DPPA2: variants seen among roughly 807,000 people sequenced by gnomAD.
DPPA2 encodes developmental pluripotency associated 2.
A neutral mutation model predicts 36.2 loss-of-function variants in DPPA2; 26 were observed. The observed-to-expected ratio is 0.72, with a 90% CI of 0.53 to 1.00. The LOEUF (loss-of-function observed/expected upper bound fraction) is 1.00, where lower values mean the gene tolerates loss of function less well. DPPA2 is among the 50% of genes least tolerant of loss of function. The pLI is 0.00. For synonymous variants in DPPA2, 113 were observed against 123.2 expected (o/e 0.92, Z 0.55); for missense variants, 361 against 365.1 (o/e 0.99, Z 0.09).
chr3:109,305,797 T>TAAAAA (rs1707551854), intron 6 of DPPA2, among the ~76,000 whole-genome samples: 1 of 131,444 alleles, frequency 7.6e-6, no homozygotes, highest in Non-Finnish European at 1.6e-5. Flanking sequence ...AAAAAACGCG[T>TAAAAA]AAGGAACAAT....
At chr3:109,314,861 C>T (rs944684639) in intron 1 of DPPA2, among the ~76,000 whole-genome samples, 11 of 152,062 alleles carry the variant, frequency 7.2e-5, no homozygotes, top group South Asian at 2.1e-4. Flanking sequence ...TCCAGGAGTT[C>T]GAGATCAGCC....
At chr3:109,308,919 A>T in intron 5 of DPPA2, 107 bp downstream of exon 5, 1 of 1,360,442 alleles carries the variant, frequency 7.4e-7, no homozygotes, top group Non-Finnish European at 1.0e-6. Context: ...GCCACAGTGA[A>T]GAAACCCTGC....
intron 3 of DPPA2, among the ~76,000 whole-genome samples, chr3:109,311,514 T>C (rs1313295035): frequency 1.3e-5 from 2 of 152,058 alleles, no homozygotes; most frequent in Non-Finnish European, 2.9e-5. Context: ...CCAAGGTGGG[T>C]GGATCACCTG....
At chr3:109,313,507 T>C (rs1341063850) in intron 2 of DPPA2, among the ~76,000 whole-genome samples, 3 of 152,248 alleles carry the variant, frequency 2.0e-5, no homozygotes, top group African/African-American at 7.2e-5. Flanking sequence ...ACTGGTTCTC[T>C]ACAGTACACA....
chr3:109,309,370 T>C lies in DPPA2; in HGVS notation c.182-40A>G, dbSNP rs370318225. The C allele has an allele frequency of 1.8e-5, 29 of 1,607,664 alleles. 1 individual carries two copies. Among genetic ancestry groups the C allele is most frequent in the Admixed American group, 1.7e-4 (10 of 59,578 alleles). On this transcript the variant is annotated intron_variant, in intron 3 of 8. Coordinates refer to ENST00000478945, the MANE Select transcript of DPPA2 (RefSeq NM_138815.4). ...GAACCAAAGTAGTAATAATTTAAAG[T>C]TGGCAAGATTATTTTAAAATTTTAC...
At chr3:109,300,559 C>T (rs764572643) in intron 7 of DPPA2, 124 bp from the exon 8 acceptor site, 407 of 901,468 alleles carry the variant, frequency 4.5e-4, no homozygotes, top group Non-Finnish European at 6.3e-4. Context: ...TGGTGGCTCA[C>T]GCCTGTAATC....
chr3:109,301,077 G>C (rs894990416), intron 7 of DPPA2, among the ~76,000 whole-genome samples: 4 of 150,788 alleles, frequency 2.7e-5, no homozygotes, highest in Non-Finnish European at 4.4e-5. Flanking sequence ...TTGACTTCCA[G>C]GGCTGAGGTG....
At chr3:109,296,841 A>G (rs550800012) in intron 8 of DPPA2, among the ~76,000 whole-genome samples, 13 of 152,312 alleles carry the variant, frequency 8.5e-5, no homozygotes, top group Non-Finnish European at 1.6e-4. Flanking sequence ...AAATCCTAGC[A>G]CTTTGAGAGG....
intron 7 of DPPA2, 62 bp downstream of exon 7, chr3:109,304,413 A>G: frequency 1.4e-6 from 2 of 1,462,424 alleles, no homozygotes; most frequent in Non-Finnish European, 1.8e-6. Flanking sequence ...TAAATTATTT[A>G]GAAATCCATC....
intron 6 of DPPA2, 133 bp downstream of exon 6, chr3:109,307,899 T>C: frequency 8.4e-7 from 1 of 1,188,592 alleles, no homozygotes; most frequent in Non-Finnish European, 1.2e-6. Flanking sequence ...AAGAAAGATG[T>C]CCCATGTGAA....
At chr3:109,310,228 CAAA>C (rs1183674663) in intron 3 of DPPA2, among the ~76,000 whole-genome samples, 2 of 46,928 alleles carry the variant, frequency 4.3e-5, no homozygotes, top group Non-Finnish European at 4.4e-5. Flanking sequence ...AACTCCGTCT[CAAA>C]AAAAAAAAAA....
At chr3:109,297,043 C>T (rs1388288735) in intron 8 of DPPA2, among the ~76,000 whole-genome samples, 2 of 152,104 alleles carry the variant, frequency 1.3e-5, no homozygotes, top group African/African-American at 4.8e-5. Context: ...GCCATGATCA[C>T]ACCACTGCAC....
chr3:109,316,426 C>G lies in DPPA2; in HGVS notation c.-156G>C, dbSNP rs1367612016. The G allele has an allele frequency of 6.6e-6, 1 of 152,538 alleles. No individual in the cohort carries two copies. Among genetic ancestry groups the G allele is most frequent in the Non-Finnish European group, 1.5e-5 (1 of 68,420 alleles). The allele number at this position is 152,538 out of a possible 1,614,324, so 9.4% of individuals were successfully genotyped here. On this transcript the variant is annotated 5_prime_UTR_variant, in exon 1 of 9. Coordinates refer to ENST00000478945, the MANE Select transcript of DPPA2 (RefSeq NM_138815.4). ...GCAGCCTTCGGAGTGGGTGGGACTA[C>G]AGGCCTGCACCGCCACGCCCAGCCC...
At chr3:109,312,740 A>C (rs1707733019) in intron 2 of DPPA2, 48 bp from the exon 3 acceptor site, 1 of 1,594,220 alleles carries the variant, frequency 6.3e-7, no homozygotes, top group African/African-American at 1.3e-5. Flanking sequence ...CGGTACAACT[A>C]AACTGCTTGC....
chr3:109,311,157 C>G, intron 3 of DPPA2, among the ~76,000 whole-genome samples: 1 of 152,104 alleles, frequency 6.6e-6, no homozygotes, highest in East Asian at 1.9e-4. Flanking sequence ...CATATAGCAG[C>G]CTGTTATTTT....
intron 5 of DPPA2, 119 bp from the exon 6 acceptor site, chr3:109,308,412 G>T: frequency 7.5e-7 from 1 of 1,328,110 alleles, no homozygotes. Context: ...GCCCAGGCTG[G>T]AGTGCAATGG....
intron 8 of DPPA2, among the ~76,000 whole-genome samples, chr3:109,296,269 G>A (rs1192029783): frequency 6.6e-6 from 1 of 152,006 alleles, no homozygotes; most frequent in African/African-American, 2.4e-5. Context: ...ATAGAAAATC[G>A]TAAAAGTAAG....
rs1282661924 is a variant in DPPA2, at chr3:109,309,321, A to G, written c.191T>C (p.Leu64Pro). Reference sequence around the variant, plus strand: ...AGCTGTAAATTGCTCATTTGTTTGAAGTAGATGACCTAAGACAAGAATGGA... The same window carrying G: ...AGCTGTAAATTGCTCATTTGTTTGAGGTAGATGACCTAAGACAAGAATGGA... ...KPKKYNPGHL[L>P]QTNEQFTAPQ... is the part of the protein sequence containing the mutation. The change falls in exon 4 of 9, where the codon CTT becomes CCT. Residue 64 changes from leucine (L) to proline (P), a missense_variant. Physicochemically the swap from Leu to Pro is moderately conservative, Grantham distance 98. Coordinates refer to ENST00000478945, the MANE Select transcript of DPPA2 (RefSeq NM_138815.4). 1.2e-6 allele frequency: 2 copies of G among 1,614,032 alleles called. No homozygotes were observed. The highest frequency in any genetic ancestry group is 3.3e-5 in the Admixed American group (2 of 60,002).
At chr3:109,294,134 G>A (rs1018916277) in intron 8 of DPPA2, 130 bp from the exon 9 acceptor site, 1 of 152,176 alleles carries the variant, frequency 6.6e-6, no homozygotes, top group Non-Finnish European at 1.5e-5. Context: ...ACTTTTAATA[G>A]AGAAAGAATG....
Sources: allele counts gnomAD v4.1 joint callset (sites outside exome capture counted in the v4.1 genomes callset), GRCh38; gene constraint gnomAD v4.1.1; transcripts MANE v1.5; gene names NCBI Gene and HGNC (gene_info 2026-07-23, HGNC 2026-07-21).